The following NUP37 variants were observed in gnomAD, a reference collection of about 807,000 sequenced individuals.
NUP37 encodes nucleoporin 37, also known as nucleoporin Nup37.
NUP37 carries 33 observed loss-of-function variants against 45.4 expected under a neutral mutation model. The observed-to-expected ratio is 0.73, with a 90% CI of 0.55 to 0.97. The LOEUF is 0.97. Ranked by LOEUF, NUP37 falls within the 50% of genes least tolerant of loss-of-function variation. NUP37 has a pLI of 0.00. For missense variants in NUP37, 365 were observed against 389.7 expected (o/e 0.94, Z 0.53); for synonymous variants, 127 against 130.7 (o/e 0.97, Z 0.19).
chr12:102,077,384 G>T lies in NUP37; in HGVS notation c.660C>A (p.Asn220Lys). 1 of 1,614,136 alleles carries T rather than the reference G, an allele frequency of 6.2e-7. No homozygotes were observed. Among genetic ancestry groups the T allele is most frequent in the Non-Finnish European group, 8.5e-7 (1 of 1,180,010 alleles). ...CTGCAACGGCTCCAACTTTGAAGGT[G>T]TTTTTTAAGCACCAGTGTGCTGACA... ...PLMSAHWCLKNTFKVGAVAGN... is the reference protein window; with the variant it reads ...PLMSAHWCLKKTFKVGAVAGN... Residue 220 changes from asparagine to lysine, a missense_variant, in exon 7 of 10, where the codon AAC becomes AAA. By Grantham distance (94) the Asn-to-Lys change is moderately conservative (BLOSUM62 0). Transcript: ENST00000552283.
chr12:102,115,934 AATTT>A (rs1264682420), intron 2 of NUP37: 1 of 261,356 alleles, frequency 3.8e-6, no homozygotes, highest in African/African-American at 2.3e-5. Flanking sequence ...GAAAAGCAAT[AATTT>A]ATTTTGAAAT....
At chr12:102,075,767 C>T (rs1266895158) in intron 8 of NUP37, among the ~76,000 whole-genome samples, 1 of 152,070 alleles carries the variant, frequency 6.6e-6, no homozygotes, top group Non-Finnish European at 1.5e-5. Context: ...CTAAGTGAAG[C>T]CTAACTTTGT....
chr12:102,099,267 A>G, intron 4 of NUP37, 67 bp from the exon 5 acceptor site: 4 of 1,122,454 alleles, frequency 3.6e-6, no homozygotes, highest in South Asian at 1.3e-5. Context: ...TTCCTACATA[A>G]TATTTTTGCT....
chr12:102,101,222 C>A, intron 3 of NUP37, 118 bp from the exon 4 acceptor site: 2 of 525,588 alleles, frequency 3.8e-6, no homozygotes, highest in Non-Finnish European at 6.8e-6. Context: ...CATAATCATG[C>A]TTTTTATGGA....
chr12:102,100,252 A>G (rs1301823609), intron 4 of NUP37, among the ~76,000 whole-genome samples: 1 of 152,228 alleles, frequency 6.6e-6, no homozygotes, highest in African/African-American at 2.4e-5. Context: ...AGCTTACAGC[A>G]TAATTTTTAC....
chr12:102,087,896 T>C (rs934447338), intron 5 of NUP37, among the ~76,000 whole-genome samples: 2 of 152,204 alleles, frequency 1.3e-5, no homozygotes, highest in African/African-American at 4.8e-5. Context: ...GGTCAGTTAA[T>C]GAAATGTATT....
intron 5 of NUP37, among the ~76,000 whole-genome samples, chr12:102,086,791 G>C (rs1305022383): frequency 6.6e-6 from 1 of 152,156 alleles, no homozygotes; most frequent in East Asian, 1.9e-4. Context: ...TGATCCTTAA[G>C]AACTGAACTT....
At chr12:102,085,167 C>T (rs1879432796) in intron 6 of NUP37, among the ~76,000 whole-genome samples, 1 of 152,148 alleles carries the variant, frequency 6.6e-6, no homozygotes, top group South Asian at 2.1e-4. Context: ...TGCCTGTAGT[C>T]CCAGCACTTT....
intron 2 of NUP37, among the ~76,000 whole-genome samples, chr12:102,112,489 A>G (rs980920294): frequency 2.0e-5 from 3 of 152,188 alleles, no homozygotes; most frequent in African/African-American, 7.2e-5. Context: ...GCATTTCATA[A>G]TAAGTTCAAT....
In NUP37 at chr12:102,101,062, A is replaced by G; in HGVS notation, c.324T>C (p.Thr108=). 1 of 1,561,546 alleles carries G rather than the reference A, an allele frequency of 6.4e-7. No individual in the cohort carries two copies. ...ATTCATTTTTATCCTGAAGATCTGA[A>G]GTAAATAATCTAATTTTCATATCAG... is the stretch of plus-strand genomic sequence containing the variant. The part of the protein sequence containing the change: ...SAADMKIRLF[T]SDLQDKNEYK... The change falls in exon 4 of 10, where the codon ACT becomes ACC. Residue 108 remains threonine, a synonymous_variant. Coordinates refer to ENST00000552283, the MANE Select transcript of NUP37 (RefSeq NM_024057.4).
chr12:102,114,267 G>C (rs539630884), intron 2 of NUP37, among the ~76,000 whole-genome samples: 1 of 152,136 alleles, frequency 6.6e-6, no homozygotes, highest in Non-Finnish European at 1.5e-5. Flanking sequence ...TCTTGCTACT[G>C]TAACAATATT....
chr12:102,111,710 T>C (rs369364338), intron 3 of NUP37, among the ~76,000 whole-genome samples: 26 of 152,346 alleles, frequency 1.7e-4, no homozygotes, highest in South Asian at 8.3e-4. Context: ...TACAGATTTA[T>C]ATACTGTTGG....
chr12:102,084,282 C>T (rs568740040), intron 6 of NUP37, among the ~76,000 whole-genome samples: 45 of 152,272 alleles, frequency 3.0e-4, no homozygotes, highest in Admixed American at 1.5e-3. Context: ...GTAAGCACTA[C>T]GTGCTTGTTA....
chr12:102,101,884 G>A (rs955440876), intron 3 of NUP37, among the ~76,000 whole-genome samples: 1 of 151,624 alleles, frequency 6.6e-6, no homozygotes, highest in Admixed American at 6.6e-5. Flanking sequence ...ACCACCACAC[G>A]TGGCTAATTT....
chr12:102,118,675 CAGAA>C, intron 1 of NUP37, 92 bp from the exon 2 acceptor site: 1 of 591,388 alleles, frequency 1.7e-6, no homozygotes, highest in South Asian at 2.7e-5. Flanking sequence ...TACAATGAGA[CAGAA>C]AGCTCAAAAG....
In NUP37 at chr12:102,077,453, G is replaced by A. The variant is rs764708249; in HGVS notation, c.591C>T (p.Ala197=). 6.2e-7 allele frequency: 1 copy of A among 1,613,820 alleles called. No homozygotes were observed. The highest frequency in any genetic ancestry group is 8.5e-7 in the Non-Finnish European group (1 of 1,179,992). Residue 197 remains alanine (A), a synonymous_variant, in exon 7 of 10, where the codon GCC becomes GCT. Transcript: ENST00000552283. ...ATTCAAGAGATAAAATAGCCTGTTGGGCCAAAAGATCATAAAACCGGATTG... is the reference window on the plus strand; with the variant it reads ...ATTCAAGAGATAAAATAGCCTGTTGAGCCAAAAGATCATAAAACCGGATTG... ...NGTIRFYDLL[A]QQAILSLESE...
Position 102,074,397 on chromosome 12 carries a change from A to T in NUP37, c.938T>A (p.Ile313Asn). ...SWHRTLPLCV[I>N]GGDHKLLFWV... is the part of the protein sequence containing the mutation. The stretch of plus-strand genomic sequence containing the variant: ...AAACAACAGCTTGTGGTCTCCTCCA[A>T]TTACACACAGAGGGAGAGTTCGATG... Residue 313 changes from isoleucine to asparagine, a missense_variant, in exon 10 of 10, where the codon ATT becomes AAT. Ile to Asn is a moderately radical substitution (Grantham distance 149, BLOSUM62 -3). Coordinates refer to ENST00000552283, the MANE Select transcript of NUP37 (RefSeq NM_024057.4). 6.2e-7 allele frequency: 1 copy of T among 1,613,348 alleles called. No individual in the cohort carries two copies. Among genetic ancestry groups the T allele is most frequent in the Non-Finnish European group, 8.5e-7 (1 of 1,179,504 alleles).
chr12:102,082,411 A>C (rs1210842501), intron 6 of NUP37, among the ~76,000 whole-genome samples: 2 of 152,190 alleles, frequency 1.3e-5, no homozygotes, highest in Non-Finnish European at 2.9e-5. Context: ...ACTGTAAATG[A>C]CTGAAAACGT....
chr12:102,107,284 T>C (rs1452616283), intron 3 of NUP37, among the ~76,000 whole-genome samples: 3 of 152,328 alleles, frequency 2.0e-5, no homozygotes, highest in Non-Finnish European at 4.4e-5. Context: ...ACACATGGTA[T>C]GATAGGTTGC....
Sources: gnomAD v4.1 joint callset for allele counts (sites outside exome capture counted in the v4.1 genomes callset) on GRCh38, gnomAD v4.1.1 for gene constraint, MANE v1.5 for transcripts, NCBI Gene and HGNC (gene_info 2026-07-23, HGNC 2026-07-21) for gene names.